The following SMIM36 variants were observed in gnomAD, a reference collection of about 807,000 sequenced individuals.
SMIM36 encodes the protein small integral membrane protein 36.
chr17:55,474,169 A>G (rs12937932), intron 3 of SMIM36, among the ~76,000 whole-genome samples: 76,445 of 151,762 alleles, frequency 0.5, 19,584 homozygotes, highest in South Asian at 0.57. Flanking sequence ...GCTCCTGGCC[A>G]AATAAAGCCC....
intron 3 of SMIM36, among the ~76,000 whole-genome samples, chr17:55,478,066 T>C (rs1472388293): frequency 6.6e-6 from 1 of 151,958 alleles, no homozygotes; most frequent in Non-Finnish European, 1.5e-5. Context: ...TATGATGGTA[T>C]GCACCTGTAG....
intron 3 of SMIM36, among the ~76,000 whole-genome samples, chr17:55,468,584 C>T (rs1430604707): frequency 6.6e-6 from 1 of 152,170 alleles, no homozygotes; most frequent in African/African-American, 2.4e-5. Flanking sequence ...CATTCACCCA[C>T]TCACCACATT....
At chr17:55,523,825 C>T in the SMIM36 span, among the ~76,000 whole-genome samples, 3 of 152,116 alleles carry the variant, frequency 2.0e-5, no homozygotes, top group Non-Finnish European at 4.4e-5. Context: ...AACATAAGCT[C>T]ATTAAAAGTT....
chr17:55,525,680 C>G, the SMIM36 span, among the ~76,000 whole-genome samples: 1 of 152,044 alleles, frequency 6.6e-6, no homozygotes, highest in Non-Finnish European at 1.5e-5. Context: ...TTTTTTAAGA[C>G]AGGGTTTCAC....
At chr17:55,493,845 C>G (rs1909761526) in intron 1 of SMIM36, among the ~76,000 whole-genome samples, 3 of 144,590 alleles carry the variant, frequency 2.1e-5, no homozygotes, top group Non-Finnish European at 1.5e-5. Flanking sequence ...GCAGCAGCAG[C>G]TTGGGTAATT....
At chr17:55,477,288 C>T (rs1481821463) in intron 3 of SMIM36, 1 of 152,204 alleles carries the variant, frequency 6.6e-6, no homozygotes, top group Non-Finnish European at 1.5e-5. Context: ...ATGGCAGAGT[C>T]ATGCTTTCTG....
chr17:55,524,857 T>C, the SMIM36 span, among the ~76,000 whole-genome samples: 1 of 152,362 alleles, frequency 6.6e-6, no homozygotes, highest in South Asian at 2.1e-4. Flanking sequence ...TGGGCTATCA[T>C]TACATTGTCA....
At chr17:55,477,851 CT>C (rs34470317) in intron 3 of SMIM36, among the ~76,000 whole-genome samples, 48,762 of 144,456 alleles carry the variant, frequency 0.34, 8,052 homozygotes, top group Middle Eastern at 0.43. Context: ...GAACCTATTA[CT>C]TTTTTTTTTT....
chr17:55,510,037 G>C (rs1893995790), intron 1 of SMIM36, among the ~76,000 whole-genome samples: 1 of 152,088 alleles, frequency 6.6e-6, no homozygotes, highest in African/African-American at 2.4e-5. Flanking sequence ...CTAACCCTGT[G>C]TGTCAAGAAC....
At chr17:55,486,679 G>A (rs1033601946) in intron 1 of SMIM36, among the ~76,000 whole-genome samples, 14 of 152,076 alleles carry the variant, frequency 9.2e-5, no homozygotes, top group Admixed American at 1.3e-4. Flanking sequence ...AGCGTGCATC[G>A]TGCCCTACCT....
upstream of SMIM36, among the ~76,000 whole-genome samples, chr17:55,512,101 C>A (rs1010225139): frequency 1.3e-5 from 2 of 152,120 alleles, no homozygotes; most frequent in African/African-American, 2.4e-5. Flanking sequence ...AAGAGGACAG[C>A]GTGTCCCAGT....
intron 1 of SMIM36, among the ~76,000 whole-genome samples, chr17:55,502,118 A>C (rs1437551492): frequency 6.6e-6 from 1 of 151,158 alleles, no homozygotes; most frequent in Non-Finnish European, 1.5e-5. Context: ...GTCTGTGATC[A>C]AACTGCAAGG....
At chr17:55,487,350 A>G (rs1185872814) in intron 1 of SMIM36, among the ~76,000 whole-genome samples, 5 of 152,220 alleles carry the variant, frequency 3.3e-5, no homozygotes, top group African/African-American at 1.2e-4. Flanking sequence ...TTAGAGTATC[A>G]TAAAAAATAA....
At chr17:55,470,254 T>A (rs1039381032) in intron 3 of SMIM36, among the ~76,000 whole-genome samples, 14 of 152,066 alleles carry the variant, frequency 9.2e-5, no homozygotes, top group African/African-American at 3.4e-4. Context: ...TCCCCACCGA[T>A]CCCAAAGGCT....
At chr17:55,489,876 T>C (rs903305157) in intron 1 of SMIM36, among the ~76,000 whole-genome samples, 2 of 149,046 alleles carry the variant, frequency 1.3e-5, no homozygotes, top group Non-Finnish European at 3.0e-5. Context: ...TTTTACAGAA[T>C]CTCGCTCTGT....
chr17:55,530,647 G>T, the SMIM36 span, among the ~76,000 whole-genome samples: 8 of 152,248 alleles, frequency 5.3e-5, no homozygotes, highest in African/African-American at 1.7e-4. Flanking sequence ...GCTAGGCATG[G>T]TGGCGGGCGC....
chr17:55,518,923 G>A, the SMIM36 span, among the ~76,000 whole-genome samples: 3,310 of 151,808 alleles, frequency 0.022, 84 homozygotes, highest in Non-Finnish European at 0.027. Flanking sequence ...TATCAAAAGA[G>A]AAGAAAAATA....
chr17:55,529,168 A>G, the SMIM36 span, among the ~76,000 whole-genome samples: 2 of 152,230 alleles, frequency 1.3e-5, no homozygotes. Flanking sequence ...AGGTGACAGA[A>G]CTATCCTTCT....
chr17:55,502,269 C>A (rs1461808478), intron 1 of SMIM36, among the ~76,000 whole-genome samples: 1 of 147,804 alleles, frequency 6.8e-6, no homozygotes, highest in Non-Finnish European at 1.5e-5. Flanking sequence ...CCTCTGGGGG[C>A]AGGGCACAGA....
Sources: allele counts gnomAD v4.1 joint callset (sites outside exome capture counted in the v4.1 genomes callset), GRCh38; gene constraint gnomAD v4.1.1; transcripts MANE v1.5; gene names NCBI Gene and HGNC (gene_info 2026-07-23, HGNC 2026-07-21).